Variants in MAST4 observed in about 807,000 individuals in gnomAD.
MAST4 encodes the protein microtubule-associated serine/threonine-protein kinase 4.
In MAST4, 89 loss-of-function variants were observed where a neutral mutation model predicts 162.7. The ratio of observed to expected loss-of-function variants is 0.55; its 90% confidence interval spans 0.46 to 0.65. The LOEUF is 0.65. MAST4 is among the 30% of genes least tolerant of loss of function. The pLI is 0.00. For missense variants in MAST4, 3,153 were observed against 3,374.0 expected (o/e 0.93, Z 1.62); for synonymous variants, 1,479 against 1,361.1 (o/e 1.09, Z -1.91).
intron 1 of MAST4, among the ~76,000 whole-genome samples, chr5:66,672,508 G>A (rs1747672500): frequency 6.6e-6 from 1 of 152,050 alleles, no homozygotes; most frequent in South Asian, 2.1e-4. Flanking sequence ...ATCTTAAAAA[G>A]GTATATATCC....
At chr5:66,695,239 G>A (rs993924663) in intron 1 of MAST4, among the ~76,000 whole-genome samples, 19 of 152,132 alleles carry the variant, frequency 1.2e-4, no homozygotes, top group African/African-American at 4.3e-4. Context: ...CATATGGCTA[G>A]CCAGTTTTCC....
At chr5:66,907,896 A>G (rs1304848040) in intron 4 of MAST4, among the ~76,000 whole-genome samples, 1 of 152,214 alleles carries the variant, frequency 6.6e-6, no homozygotes, top group Non-Finnish European at 1.5e-5. Context: ...AATAAATTTT[A>G]AAATAAATTT....
At chr5:66,886,901 C>T (rs1762075593) in intron 3 of MAST4, among the ~76,000 whole-genome samples, 2 of 151,696 alleles carry the variant, frequency 1.3e-5, no homozygotes, top group African/African-American at 2.4e-5. Context: ...AGTGTCCACT[C>T]AGTTGTATAG....
intron 3 of MAST4, among the ~76,000 whole-genome samples, chr5:66,834,737 G>A (rs1757844754): frequency 6.6e-6 from 1 of 152,182 alleles, no homozygotes; most frequent in African/African-American, 2.4e-5. Flanking sequence ...CCACTGTTGT[G>A]TGAGATAACA....
At chr5:66,725,937 A>G (rs1751488027) in intron 1 of MAST4, among the ~76,000 whole-genome samples, 1 of 152,208 alleles carries the variant, frequency 6.6e-6, no homozygotes, top group African/African-American at 2.4e-5. Flanking sequence ...TGTAACAGTA[A>G]TAAAACAGAC....
intron 3 of MAST4, among the ~76,000 whole-genome samples, chr5:66,859,253 TC>T (rs1163724930): frequency 1.3e-5 from 2 of 152,218 alleles, no homozygotes. Context: ...TCTCTAATCT[TC>T]CTTTCTGTGA....
intron 2 of MAST4, among the ~76,000 whole-genome samples, chr5:66,760,165 CA>C (rs1387697911): frequency 2.0e-5 from 3 of 151,334 alleles, no homozygotes; most frequent in Admixed American, 2.0e-4. Context: ...GGCTGGAGTG[CA>C]GTGGTGTGGC....
chr5:66,834,423 T>C (rs1757817572), intron 3 of MAST4, among the ~76,000 whole-genome samples: 1 of 152,142 alleles, frequency 6.6e-6, no homozygotes. Flanking sequence ...GAACTCTTGT[T>C]GTGCTCCCCA....
intron 1 of MAST4, among the ~76,000 whole-genome samples, chr5:66,702,628 A>G (rs1311165580): frequency 2.0e-5 from 3 of 152,322 alleles, no homozygotes; most frequent in Non-Finnish European, 4.4e-5. Context: ...GCAGAGGAGC[A>G]GCAAATGCAA....
intron 3 of MAST4, among the ~76,000 whole-genome samples, chr5:66,892,447 A>G (rs461064): frequency 0.31 from 46,611 of 152,138 alleles, 9,118 homozygotes; most frequent in Non-Finnish European, 0.45. Flanking sequence ...ACTAAAAAGT[A>G]TGTGATTGAA....
chr5:67,071,229 TACAA>T (rs1214815741), intron 5 of MAST4, among the ~76,000 whole-genome samples: 1 of 152,138 alleles, frequency 6.6e-6, no homozygotes, highest in African/African-American at 2.4e-5. Flanking sequence ...GCGAAAGACC[TACAA>T]ACAACCGAAA....
intron 5 of MAST4, among the ~76,000 whole-genome samples, chr5:67,087,736 A>T (rs933042696): frequency 6.6e-6 from 1 of 152,206 alleles, no homozygotes; most frequent in Admixed American, 6.5e-5. Context: ...ATGTGTATGT[A>T]TATGTGTGTA....
intron 5 of MAST4, among the ~76,000 whole-genome samples, chr5:67,075,617 A>G (rs945342246): frequency 4.6e-5 from 7 of 152,224 alleles, no homozygotes; most frequent in African/African-American, 1.7e-4. Context: ...TAAATTAAAA[A>G]TGGCCTAAGA....
At chr5:67,068,518 C>A (rs1760522113) in intron 5 of MAST4, among the ~76,000 whole-genome samples, 1 of 152,148 alleles carries the variant, frequency 6.6e-6, no homozygotes, top group South Asian at 2.1e-4. Flanking sequence ...ATGATCCAGT[C>A]ACTTTCCCCT....
chr5:66,973,339 A>AG (rs1747695103), intron 4 of MAST4, among the ~76,000 whole-genome samples: 1 of 151,034 alleles, frequency 6.6e-6, no homozygotes, highest in South Asian at 2.1e-4. Context: ...TGTTCCATTG[A>AG]GTTGTTGTAT....
At chr5:66,642,446 A>T (rs1356750781) in intron 1 of MAST4, among the ~76,000 whole-genome samples, 1 of 152,216 alleles carries the variant, frequency 6.6e-6, no homozygotes, top group Non-Finnish European at 1.5e-5. Context: ...AAATTGGACA[A>T]TGACTGGATA....
chr5:67,081,008 A>AATATATAATTGTATATATTATATAAT (rs1762551068), intron 5 of MAST4, among the ~76,000 whole-genome samples: 2 of 116,490 alleles, frequency 1.7e-5, no homozygotes, highest in Non-Finnish European at 3.3e-5. Flanking sequence ...TATATAATAT[A>AATATATAATTGTATATATTATATAAT]ATATATAATT....
intron 12 of MAST4, among the ~76,000 whole-genome samples, chr5:67,116,241 C>T (rs189130876): frequency 3.3e-5 from 5 of 151,938 alleles, no homozygotes; most frequent in African/African-American, 7.2e-5. Flanking sequence ...AGACTTGCTT[C>T]GTTGCCCAGG....
chr5:67,097,348 A>G (rs1040435060), intron 7 of MAST4, among the ~76,000 whole-genome samples: 2 of 152,228 alleles, frequency 1.3e-5, no homozygotes, highest in African/African-American at 4.8e-5. Context: ...AACATCCCCT[A>G]TCATGTAATT....
Sources: allele counts gnomAD v4.1 joint callset (sites outside exome capture counted in the v4.1 genomes callset), GRCh38; gene constraint gnomAD v4.1.1; transcripts MANE v1.5; gene names NCBI Gene and HGNC (gene_info 2026-07-23, HGNC 2026-07-21).